The following GTF3C6 variants were observed in gnomAD, a reference collection of about 807,000 sequenced individuals.
GTF3C6 encodes general transcription factor IIIC subunit 6, also known as general transcription factor 3C polypeptide 6.
In GTF3C6, 11 loss-of-function variants were observed where a neutral mutation model predicts 19.2. That is an observed-to-expected ratio of 0.57 (90% CI 0.36 to 0.95). GTF3C6 has a LOEUF of 0.95. Among genes scored for constraint, GTF3C6 ranks in the 40% least tolerant of loss-of-function variants. The probability of loss-of-function intolerance (pLI) is 0.01; values close to 1 mark genes in which losing one functional copy is unlikely to be tolerated. For synonymous variants in GTF3C6, 87 were observed against 84.2 expected (o/e 1.03, Z -0.18); for missense variants, 222 against 254.7 (o/e 0.87, Z 0.87).
intron 5 of GTF3C6, 66 bp from the exon 6 acceptor site, chr6:110,967,444 A>G: frequency 7.1e-7 from 1 of 1,414,016 alleles, no homozygotes; most frequent in South Asian, 1.4e-5. Flanking sequence ...TTTAAATTAA[A>G]GAAAAATATA....
At position 110,967,739 on chromosome 6, in the gene GTF3C6, A is replaced by G. The variant is rs1212311940; in HGVS notation, c.591A>G (p.Ile197Met). Residue 197 changes from isoleucine to methionine, a missense_variant, in exon 6 of 6, where the codon ATA becomes ATG. Physicochemically the swap from Ile to Met is conservative, Grantham distance 10. Coordinates refer to ENST00000329970, the MANE Select transcript of GTF3C6 (RefSeq NM_138408.4). ...EIEDSGPLID[I>M]PSETEGSVFM... ...AAGATTCTGGTCCTCTTATTGATAT[A>G]CCTTCTGAGACAGAAGGTTCTGTTT... The G allele has an allele frequency of 2.5e-6, 4 of 1,612,740 alleles. No homozygotes were observed. In the African/African-American group the frequency reaches 5.3e-5, roughly 22 times the overall value.
At chr6:110,964,298 G>A (rs971907175) in intron 5 of GTF3C6, among the ~76,000 whole-genome samples, 2 of 151,670 alleles carry the variant, frequency 1.3e-5, no homozygotes, top group Non-Finnish European at 2.9e-5. Flanking sequence ...AGGCTGGAGT[G>A]CAGTGGCGCG....
chr6:110,962,518 A>T lies in GTF3C6; in HGVS notation c.361+13A>T. The stretch of plus-strand genomic sequence containing the variant: ...GAAGAAAACATAGGTTAGTTCCATT[A>T]TTCTCTGAAAACAGGTGATCCAGTA... On this transcript the variant is annotated intron_variant, in intron 5 of 5. Transcript: ENST00000329970. 1 of 1,392,848 alleles carries T rather than the reference A, an allele frequency of 7.2e-7. No homozygotes were observed. The highest frequency in any genetic ancestry group is 1.0e-6 in the Non-Finnish European group (1 of 980,780). 86.3% of individuals were successfully genotyped at this position (1,392,848 alleles called of 1,614,324 possible). A position where few individuals can be genotyped will look rare whatever the true frequency, so the allele number is the denominator to read the frequency against.
chr6:110,963,427 CCTT>C (rs1054382552), intron 5 of GTF3C6, among the ~76,000 whole-genome samples: 4 of 151,002 alleles, frequency 2.6e-5, no homozygotes, highest in African/African-American at 7.3e-5. Context: ...TCTCTCTTCT[CCTT>C]CTCCCTCTCC....
In GTF3C6 at chr6:110,967,721, T is replaced by C. The variant is rs749634991; in HGVS notation, c.573T>C (p.Ser191=). ...EKPMHLEIED[S]GPLIDIPSET... ...CAATGCACTTGGAAATAGAAGATTC[T>C]GGTCCTCTTATTGATATACCTTCTG... Residue 191 remains serine (S), a synonymous_variant, in exon 6 of 6, where the codon TCT becomes TCC. Coordinates refer to ENST00000329970, the MANE Select transcript of GTF3C6 (RefSeq NM_138408.4). 3 of 1,614,022 alleles carry C rather than the reference T, an allele frequency of 1.9e-6. No individual in the cohort carries two copies. The highest frequency in any genetic ancestry group is 2.5e-6 in the Non-Finnish European group (3 of 1,179,904).
chr6:110,961,504 T>C (rs1468668383), intron 4 of GTF3C6, among the ~76,000 whole-genome samples: 3 of 152,160 alleles, frequency 2.0e-5, no homozygotes, highest in Non-Finnish European at 2.9e-5. Context: ...TTCTAAAGTA[T>C]GGTATCAATT....
intron 5 of GTF3C6, 93 bp from the exon 6 acceptor site, chr6:110,967,417 T>C: frequency 2.7e-6 from 3 of 1,097,500 alleles, no homozygotes; most frequent in Non-Finnish European, 3.9e-6. Context: ...GTTTGACATG[T>C]ATTCATAGGA....
chr6:110,962,480 G>A lies in GTF3C6; in HGVS notation c.336G>A (p.Glu112=), dbSNP rs766199310. The A allele has an allele frequency of 1.9e-6, 3 of 1,604,068 alleles. No homozygotes were observed. Among genetic ancestry groups the A allele is most frequent in the Non-Finnish European group, 2.6e-6 (3 of 1,170,896 alleles). Residue 112 remains glutamate (E), a synonymous_variant, in exon 5 of 6, where the codon GAG becomes GAA. Transcript: ENST00000329970. The part of the protein sequence containing the change: ...KLSMTRTLLT[E]KKEGEENIGG... ...GCATGACAAGAACTCTCCTGACAGA[G>A]AAGAAGGAAGGAGAAGAAAACATAG...
At chr6:110,965,631 G>A (rs1771220428) in intron 5 of GTF3C6, among the ~76,000 whole-genome samples, 1 of 152,132 alleles carries the variant, frequency 6.6e-6, no homozygotes, top group Non-Finnish European at 1.5e-5. Context: ...GAATAAACTT[G>A]AAAGGCTGAC....
intron 4 of GTF3C6, 22 bp from the exon 5 acceptor site, chr6:110,962,370 A>G: frequency 8.2e-7 from 1 of 1,224,708 alleles, no homozygotes; most frequent in Non-Finnish European, 1.2e-6. Flanking sequence ...AAGTATAATA[A>G]TGTTGTTCAT....
At chr6:110,963,284 A>T (rs996417338) in intron 5 of GTF3C6, among the ~76,000 whole-genome samples, 5 of 152,136 alleles carry the variant, frequency 3.3e-5, no homozygotes, top group African/African-American at 1.2e-4. Context: ...GTTAAAATTC[A>T]GTTGAACTCT....
chr6:110,965,213 T>A (rs752106859), intron 5 of GTF3C6, among the ~76,000 whole-genome samples: 3 of 150,646 alleles, frequency 2.0e-5, no homozygotes, highest in Non-Finnish European at 4.4e-5. Context: ...TGGGCTCAAG[T>A]GATCCTCCTG....
At chr6:110,963,626 A>G (rs1249222604) in intron 5 of GTF3C6, among the ~76,000 whole-genome samples, 2 of 151,824 alleles carry the variant, frequency 1.3e-5, no homozygotes, top group Non-Finnish European at 2.9e-5. Context: ...ATAGTTCTGA[A>G]TTCCCAAGGT....
intron 5 of GTF3C6, among the ~76,000 whole-genome samples, chr6:110,966,139 C>T (rs1771226738): frequency 6.6e-6 from 1 of 152,152 alleles, no homozygotes; most frequent in Non-Finnish European, 1.5e-5. Flanking sequence ...TCCAAGAAAA[C>T]AAGGTAGAAG....
rs770197366 is a variant in GTF3C6, at chr6:110,967,559, C to T, written c.411C>T (p.Pro137=). The change falls in exon 6 of 6, where the codon CCC becomes CCT. Residue 137 remains proline, a synonymous_variant. Coordinates refer to ENST00000329970, the MANE Select transcript of GTF3C6 (RefSeq NM_138408.4). ...QIKDNDFSYR[P]NMICNFLHEN... ...AGGATAATGATTTCTCCTATCGACCCAACATGATTTGTAACTTTCTACATG... is the reference window on the plus strand; with the variant it reads ...AGGATAATGATTTCTCCTATCGACCTAACATGATTTGTAACTTTCTACATG... The T allele has an allele frequency of 3.2e-5, 52 of 1,613,776 alleles. No individual in the cohort carries two copies. Among genetic ancestry groups the T allele is most frequent in the Non-Finnish European group, 4.2e-5 (49 of 1,179,962 alleles).
rs925739260 is a variant in GTF3C6 at position 110,962,259 on chromosome 6, T to C, written c.248-133T>C. ...TGCTTGGAGCAGGAGGGATGAGTTA[T>C]ACCTTGAATTTACTACACTATCTTG... On this transcript the variant is annotated intron_variant, in intron 4 of 5. Transcript: ENST00000329970. 16 of 603,194 alleles carry C rather than the reference T, an allele frequency of 2.7e-5. 1 individual carries two copies. The highest frequency in any genetic ancestry group is 3.9e-5 in the Non-Finnish European group (13 of 331,214). 37.4% of individuals were successfully genotyped at this position (603,194 alleles called of 1,614,324 possible).
At chr6:110,963,129 G>C (rs577175233) in intron 5 of GTF3C6, among the ~76,000 whole-genome samples, 1 of 152,206 alleles carries the variant, frequency 6.6e-6, no homozygotes, top group South Asian at 2.1e-4. Context: ...TGTTGGCCAG[G>C]CTGGTCTTAA....
chr6:110,962,585 T>A (rs1284058088), intron 5 of GTF3C6, 80 bp downstream of exon 5: 25 of 761,850 alleles, frequency 3.3e-5, no homozygotes, highest in Middle Eastern at 2.3e-4. Flanking sequence ...ATAGTCCTTG[T>A]ACTTTTTAGT....
At position 110,962,385 on chromosome 6, in the gene GTF3C6, G is replaced by A; in HGVS notation, c.248-7G>A. On this transcript the variant is annotated splice_polypyrimidine_tract_variant and splice_region_variant and intron_variant, in intron 4 of 5. Coordinates refer to ENST00000329970, the MANE Select transcript of GTF3C6 (RefSeq NM_138408.4). ...AAGTATAATAATGTTGTTCATTTCT[G>A]TTCCAGCTGATACAGAAGGCAATAA... 7.0e-7 allele frequency: 1 copy of A among 1,431,700 alleles called. No homozygotes were observed. Among genetic ancestry groups the A allele is most frequent in the African/African-American group, 1.4e-5 (1 of 71,398 alleles). The allele number at this position is 1,431,700 out of a possible 1,614,324, so 88.7% of individuals were successfully genotyped here. A position where few individuals can be genotyped will look rare whatever the true frequency, so the allele number is the denominator to read the frequency against.
Sources: gnomAD v4.1 joint callset for allele counts (sites outside exome capture counted in the v4.1 genomes callset) on GRCh38, gnomAD v4.1.1 for gene constraint, MANE v1.5 for transcripts, NCBI Gene and HGNC (gene_info 2026-07-23, HGNC 2026-07-21) for gene names.